PIP5K1B: variants seen among roughly 807,000 people sequenced by gnomAD.
The protein encoded by PIP5K1B is phosphatidylinositol 4-phosphate 5-kinase type-1 beta.
PIP5K1B carries 42 observed loss-of-function variants against 67.0 expected under a neutral mutation model. The observed-to-expected ratio is 0.63, with a 90% confidence interval of 0.49 to 0.81. The LOEUF (loss-of-function observed/expected upper bound fraction) is 0.81, where lower values mean the gene tolerates loss of function less well. Ranked by LOEUF, PIP5K1B falls within the 30% of genes least tolerant of loss-of-function variation. The pLI is 0.00. For synonymous variants in PIP5K1B, 214 were observed against 231.4 expected (o/e 0.92, Z 0.68); for missense variants, 459 against 646.3 (o/e 0.71, Z 3.14).
Position 68,705,618 on chromosome 9 carries a change from C to G in PIP5K1B, c.-387C>G, listed in dbSNP as rs900978104. On this transcript the variant is annotated 5_prime_UTR_variant, in exon 1 of 16. Coordinates refer to ENST00000265382, the MANE Select transcript of PIP5K1B (RefSeq NM_003558.4). ...GCCCCGGCCCCGCCCGCCGCCCCCTCCGCCCTCCCGCCCCTCCCGCCCCTC... is the reference window on the plus strand; with the variant it reads ...GCCCCGGCCCCGCCCGCCGCCCCCTGCGCCCTCCCGCCCCTCCCGCCCCTC... 1 of 143,222 alleles carries G rather than the reference C, an allele frequency of 7.0e-6. No individual in the cohort carries two copies. Among genetic ancestry groups the G allele is most frequent in the Non-Finnish European group, 1.6e-5 (1 of 63,722 alleles). The allele number at this position is 143,222 out of a possible 1,614,324, so 8.9% of individuals were successfully genotyped here.
At chr9:68,970,136 C>G (rs1249587279) in intron 14 of PIP5K1B, among the ~76,000 whole-genome samples, 1 of 152,222 alleles carries the variant, frequency 6.6e-6, no homozygotes, top group African/African-American at 2.4e-5. Flanking sequence ...TTCCTCAACT[C>G]TGAATCCAGT....
intron 2 of PIP5K1B, among the ~76,000 whole-genome samples, chr9:68,745,885 A>C (rs1829273507): frequency 6.6e-6 from 1 of 152,196 alleles, no homozygotes; most frequent in Non-Finnish European, 1.5e-5. Flanking sequence ...AATAAATTAT[A>C]CAAGCTATTT....
intron 14 of PIP5K1B, among the ~76,000 whole-genome samples, chr9:68,942,147 A>G (rs2132644082): frequency 6.6e-6 from 1 of 152,358 alleles, no homozygotes; most frequent in African/African-American, 2.4e-5. Flanking sequence ...CTTAGTAGTA[A>G]TGTCAAATGT....
intron 1 of PIP5K1B, among the ~76,000 whole-genome samples, chr9:68,736,180 T>C (rs1253501783): frequency 1.3e-5 from 2 of 152,178 alleles, no homozygotes; most frequent in Non-Finnish European, 2.9e-5. Context: ...TTGGAGGCTT[T>C]TGAGCAGAGG....
At position 68,990,126 on chromosome 9, in the gene PIP5K1B, AG is replaced by A. The variant is rs888609476; in HGVS notation, c.1503-1013del. Among the ~76,000 whole-genome samples the A allele has an allele frequency of 9.2e-5, 14 of 152,332 alleles. 1 individual carries two copies. The highest frequency in any genetic ancestry group is 8.3e-4 in the South Asian group (4 of 4,828). The stretch of plus-strand genomic sequence containing the variant: ...TTCCTTTGGCTTTTGGTATTGTCGT[AG>A]TTACTAAGGGTGTGCTCCAGCTATC... On this transcript the variant is annotated intron_variant, in intron 14 of 15. Transcript: ENST00000265382.
chr9:68,904,510 T>C (rs1260773495), intron 8 of PIP5K1B, among the ~76,000 whole-genome samples: 2 of 152,252 alleles, frequency 1.3e-5, no homozygotes, highest in Admixed American at 1.3e-4. Flanking sequence ...AAAAATTTAA[T>C]GAAAAGCATA....
chr9:68,911,349 G>A (rs1401896204), intron 8 of PIP5K1B, among the ~76,000 whole-genome samples: 2 of 149,630 alleles, frequency 1.3e-5, no homozygotes, highest in Non-Finnish European at 3.0e-5. Flanking sequence ...CTCCAGCCTG[G>A]GCAACAAGAG....
chr9:68,718,232 G>T (rs1265005639), intron 1 of PIP5K1B, among the ~76,000 whole-genome samples: 3 of 151,522 alleles, frequency 2.0e-5, no homozygotes, highest in Non-Finnish European at 3.0e-5. Context: ...CTTTGAGTTG[G>T]ACAAAAGTGA....
intron 15 of PIP5K1B, 72 bp from the exon 16 acceptor site, chr9:69,008,375 T>C (rs774932055): frequency 7.2e-7 from 1 of 1,385,740 alleles, no homozygotes; most frequent in Non-Finnish European, 1.0e-6. Context: ...GAACTTATGT[T>C]GCGACTCATG....
At chr9:68,907,806 CA>C in intron 8 of PIP5K1B, among the ~76,000 whole-genome samples, 1 of 152,084 alleles carries the variant, frequency 6.6e-6, no homozygotes, top group Non-Finnish European at 1.5e-5. Flanking sequence ...GTGGGAGGTA[CA>C]AAAAATGAAT....
chr9:68,833,464 G>A (rs934508420), intron 4 of PIP5K1B, among the ~76,000 whole-genome samples: 5 of 152,200 alleles, frequency 3.3e-5, no homozygotes, highest in African/African-American at 7.2e-5. Flanking sequence ...TGACAGCAGC[G>A]GTTCCCAATG....
intron 4 of PIP5K1B, among the ~76,000 whole-genome samples, chr9:68,862,444 T>C (rs1332853202): frequency 2.0e-5 from 3 of 152,066 alleles, no homozygotes; most frequent in Non-Finnish European, 4.4e-5. Context: ...ACACTGCAAT[T>C]ATAGCAAATA....
chr9:68,722,487 T>A (rs1827938724), intron 1 of PIP5K1B, among the ~76,000 whole-genome samples: 1 of 152,098 alleles, frequency 6.6e-6, no homozygotes, highest in Non-Finnish European at 1.5e-5. Flanking sequence ...AGTGCTGGGA[T>A]TACAGGTGTG....
intron 15 of PIP5K1B, among the ~76,000 whole-genome samples, chr9:69,003,563 A>G (rs1207495706): frequency 6.6e-6 from 1 of 151,922 alleles, no homozygotes; most frequent in Admixed American, 6.6e-5. Context: ...ATCTTGGCCA[A>G]CCTAACTGTG....
chr9:68,906,435 A>G (rs1304889592), intron 8 of PIP5K1B, among the ~76,000 whole-genome samples: 1 of 152,246 alleles, frequency 6.6e-6, no homozygotes, highest in Non-Finnish European at 1.5e-5. Context: ...GTCTCCCTCC[A>G]TGAGAATGAA....
intron 14 of PIP5K1B, among the ~76,000 whole-genome samples, chr9:68,954,054 T>A (rs563570873): frequency 7.9e-5 from 12 of 152,108 alleles, no homozygotes; most frequent in Admixed American, 7.2e-4. Flanking sequence ...TGTCCCTGGG[T>A]CCACACATCC....
intron 4 of PIP5K1B, among the ~76,000 whole-genome samples, chr9:68,833,664 T>C (rs1834443774): frequency 6.7e-6 from 1 of 148,438 alleles, no homozygotes; most frequent in African/African-American, 2.5e-5. Flanking sequence ...TAGACAAAGG[T>C]TGTGGACTAG....
intron 15 of PIP5K1B, among the ~76,000 whole-genome samples, chr9:69,002,770 T>A (rs1830880350): frequency 6.6e-6 from 1 of 151,942 alleles, no homozygotes; most frequent in South Asian, 2.1e-4. Context: ...ATCACTTAAG[T>A]CCAGGAGTTC....
At chr9:68,708,541 G>GC (rs35373175) in intron 1 of PIP5K1B, among the ~76,000 whole-genome samples, 20,908 of 145,580 alleles carry the variant, frequency 0.14, 1,676 homozygotes, top group African/African-American at 0.17. Flanking sequence ...TTTGTTTGCC[G>GC]CCCCCCCGCC....
Sources: gnomAD v4.1 joint callset for allele counts (sites outside exome capture counted in the v4.1 genomes callset) on GRCh38, gnomAD v4.1.1 for gene constraint, MANE v1.5 for transcripts, NCBI Gene and HGNC (gene_info 2026-07-23, HGNC 2026-07-21) for gene names.